Variants in CACNA1E observed in about 807,000 individuals in gnomAD.
CACNA1E encodes voltage-dependent R-type calcium channel subunit alpha-1E.
CACNA1E carries 40 observed loss-of-function variants against 259.2 expected under a neutral mutation model. The ratio of observed to expected loss-of-function variants is 0.15; its 90% CI spans 0.12 to 0.20. The LOEUF is 0.20. Among genes scored for constraint, CACNA1E ranks in the 10% least tolerant of loss-of-function variants. CACNA1E has a pLI of 1.00. For missense variants in CACNA1E, 1,874 were observed against 3,040.1 expected, an observed-to-expected ratio of 0.62 and a Z score of 9.02; for synonymous variants, 1,104 against 1,138.5, an observed-to-expected ratio of 0.97 and a Z score of 0.61.
rs900276951 is a variant in CACNA1E, at chr1:181,803,742, C to T, written c.*4908C>T. 1 of 152,218 alleles carries T rather than the reference C, an allele frequency of 6.6e-6. No individual in the cohort carries two copies. Among genetic ancestry groups the T allele is most frequent in the African/African-American group, 2.4e-5 (1 of 41,432 alleles). 9.4% of individuals were successfully genotyped at this position (152,218 alleles called of 1,614,324 possible). A position where few individuals can be genotyped will look rare whatever the true frequency, so the allele number is the denominator to read the frequency against. The stretch of plus-strand genomic sequence containing the variant: ...TTTTTCTTTCCTTGAATCCTTTCTG[C>T]TTTAAACTTCTGAGGTTTATGCATC... On this transcript the variant is annotated 3_prime_UTR_variant, in exon 48 of 48. Transcript: ENST00000367573.
chr1:181,639,118 C>T lies in CACNA1E; in HGVS notation c.952-12220C>T, dbSNP rs1483568526. Among the ~76,000 whole-genome samples the T allele has an allele frequency of 4.6e-5, 7 of 150,814 alleles. No homozygotes were observed. In the East Asian group the frequency reaches 1.2e-3, roughly 25 times the overall value. On this transcript the variant is annotated intron_variant, in intron 6 of 47. Transcript: ENST00000367573. ...TTTTTTTTTTTTTGAGATGGAGTCTCGCTATGTCTCCCAGGCTGGAGTGCA... is the reference window on the plus strand; with the variant it reads ...TTTTTTTTTTTTTGAGATGGAGTCTTGCTATGTCTCCCAGGCTGGAGTGCA...
intron 35 of CACNA1E, among the ~76,000 whole-genome samples, chr1:181,766,877 G>C (rs570269642): frequency 6.6e-6 from 1 of 152,266 alleles, no homozygotes; most frequent in Admixed American, 6.5e-5. Context: ...AAGCAGCTGG[G>C]CTTCTGTGGT....
At chr1:181,751,252 C>CATT (rs3835543) in intron 26 of CACNA1E, among the ~76,000 whole-genome samples, 43,363 of 152,060 alleles carry the variant, frequency 0.29, 6,233 homozygotes, top group South Asian at 0.36. Context: ...TGTATTTGTT[C>CATT]ATTTTATTCC....
chr1:181,427,053 C>T (rs1450231178), intron 2 of CACNA1E, among the ~76,000 whole-genome samples: 2 of 151,162 alleles, frequency 1.3e-5, no homozygotes, highest in Non-Finnish European at 3.0e-5. Context: ...AACCCCTTCA[C>T]AACTCAACCC....
chr1:181,600,464 G>A (rs1480645733), intron 6 of CACNA1E, among the ~76,000 whole-genome samples: 5 of 152,336 alleles, frequency 3.3e-5, no homozygotes, highest in African/African-American at 1.2e-4. Context: ...CGGGCAGCTG[G>A]CAGTGGTGGT....
At chr1:181,523,404 A>G (rs1477463435) in intron 3 of CACNA1E, among the ~76,000 whole-genome samples, 1 of 152,248 alleles carries the variant, frequency 6.6e-6, no homozygotes, top group Non-Finnish European at 1.5e-5. Flanking sequence ...AAATACATCT[A>G]AAAGTATTGT....
chr1:181,683,153 AGCAAGGGCATCTTAT>A (rs1267707000), intron 7 of CACNA1E, among the ~76,000 whole-genome samples: 6 of 152,246 alleles, frequency 3.9e-5, no homozygotes, highest in Non-Finnish European at 7.3e-5. Context: ...ACTTGAGTAC[AGCAAGGGCATCTTAT>A]GCATCTTATG....
At chr1:181,771,206 A>G (rs1659477865) in intron 35 of CACNA1E, 87 bp from the exon 36 acceptor site, 2 of 705,478 alleles carry the variant, frequency 2.8e-6, no homozygotes, top group South Asian at 1.7e-5. Flanking sequence ...GGGAAGAGCC[A>G]TGCAAGTGGC....
In CACNA1E at chr1:181,601,779, G is replaced by A. The variant is rs58561306; in HGVS notation, c.951+21003G>A. Among the ~76,000 whole-genome samples the A allele has an allele frequency of 2.3e-3, 355 of 152,180 alleles. 1 individual carries two copies. Among genetic ancestry groups the A allele is most frequent in the African/African-American group, 6.9e-3 (288 of 41,504 alleles). ...GCAGTGTAAATCAGACCATGTCCCC[G>A]CTCTGCACAGAACCCTCCAGTAGCT... On this transcript the variant is annotated intron_variant, in intron 6 of 47. Coordinates refer to ENST00000367573, the MANE Select transcript of CACNA1E (RefSeq NM_001205293.3).
chr1:181,773,544 A>C (rs1482865340), intron 37 of CACNA1E, among the ~76,000 whole-genome samples: 2 of 151,696 alleles, frequency 1.3e-5, no homozygotes, highest in Non-Finnish European at 2.9e-5. Flanking sequence ...TAAAGAAAAA[A>C]CCCCCTGAAA....
intron 1 of CACNA1E, among the ~76,000 whole-genome samples, chr1:181,359,559 G>A (rs1653708733): frequency 6.6e-6 from 1 of 152,128 alleles, no homozygotes; most frequent in South Asian, 2.1e-4. Flanking sequence ...ATTGTAAGCG[G>A]GTGGGCTTCT....
intron 6 of CACNA1E, among the ~76,000 whole-genome samples, chr1:181,640,922 A>G (rs1443243021): frequency 6.6e-6 from 1 of 152,218 alleles, no homozygotes; most frequent in East Asian, 1.9e-4. Context: ...TTTAAGAAAC[A>G]TTCAGCCCTA....
intron 1 of CACNA1E, among the ~76,000 whole-genome samples, chr1:181,360,764 CT>C (rs1653804406): frequency 6.6e-6 from 1 of 152,114 alleles, no homozygotes; most frequent in African/African-American, 2.4e-5. Context: ...ATTTTGAGTA[CT>C]GAAAAAAACC....
At chr1:181,450,601 A>G (rs184621301) in intron 2 of CACNA1E, among the ~76,000 whole-genome samples, 381 of 152,336 alleles carry the variant, frequency 2.5e-3, no homozygotes, top group Non-Finnish European at 3.4e-3. Flanking sequence ...TTTAGAGCGC[A>G]GTAATATCAT....
At chr1:181,356,700 G>A (rs1352078122) in intron 1 of CACNA1E, among the ~76,000 whole-genome samples, 3 of 152,178 alleles carry the variant, frequency 2.0e-5, no homozygotes, top group African/African-American at 4.8e-5. Context: ...AGGAAGCTGC[G>A]GCGGTGGAGG....
chr1:181,564,935 A>G (rs35843428), intron 3 of CACNA1E, among the ~76,000 whole-genome samples: 57,284 of 151,598 alleles, frequency 0.38, 13,388 homozygotes, highest in East Asian at 0.68. Flanking sequence ...TAAAATATTC[A>G]GGAAACCATG....
chr1:181,447,718 G>A (rs1660884612), intron 2 of CACNA1E, among the ~76,000 whole-genome samples: 1 of 152,208 alleles, frequency 6.6e-6, no homozygotes, highest in Admixed American at 6.5e-5. Context: ...GGTGTGGGCA[G>A]ACTGTGTTCC....
chr1:181,378,022 A>G (rs1405255591), intron 1 of CACNA1E, among the ~76,000 whole-genome samples: 1 of 152,230 alleles, frequency 6.6e-6, no homozygotes, highest in African/African-American at 2.4e-5. Context: ...TATTTTGGTA[A>G]TTCAGATGGC....
At chr1:181,606,037 C>T (rs1369661720) in intron 6 of CACNA1E, among the ~76,000 whole-genome samples, 2 of 152,200 alleles carry the variant, frequency 1.3e-5, no homozygotes, top group Non-Finnish European at 2.9e-5. Flanking sequence ...GCCATTACAC[C>T]GTCCTGTTTC....
Sources: allele counts gnomAD v4.1 joint callset (sites outside exome capture counted in the v4.1 genomes callset), GRCh38; gene constraint gnomAD v4.1.1; transcripts MANE v1.5; gene names NCBI Gene and HGNC (gene_info 2026-07-23, HGNC 2026-07-21).